The following PTPRQ variants were observed in gnomAD, a reference collection of about 807,000 sequenced individuals.
PTPRQ encodes the protein phosphatidylinositol phosphatase PTPRQ.
PTPRQ carries 199 observed loss-of-function variants against 246.0 expected under a neutral mutation model. The ratio of observed to expected loss-of-function variants is 0.81; its 90% CI spans 0.72 to 0.91. PTPRQ has a LOEUF of 0.91. PTPRQ is among the 40% of genes least tolerant of loss of function. The probability of loss-of-function intolerance (pLI) is 0.00; values close to 1 mark genes in which losing one functional copy is unlikely to be tolerated. For synonymous variants in PTPRQ, 869 were observed against 853.2 expected (o/e 1.02, Z -0.32); for missense variants, 2,624 against 2,528.4 (o/e 1.04, Z -0.81).
intron 25 of PTPRQ, among the ~76,000 whole-genome samples, chr12:80,583,477 G>C (rs1897512343): frequency 6.6e-6 from 1 of 152,056 alleles, no homozygotes; most frequent in Non-Finnish European, 1.5e-5. Context: ...GAGATTTATA[G>C]GAAAGTAAAT....
intron 33 of PTPRQ, among the ~76,000 whole-genome samples, chr12:80,625,575 T>G (rs944996824): frequency 6.6e-6 from 1 of 152,068 alleles, no homozygotes; most frequent in Non-Finnish European, 1.5e-5. Flanking sequence ...AGAATCACCA[T>G]AGACTGATAA....
In PTPRQ at chr12:80,497,858, G is replaced by A. The variant is rs536699919; in HGVS notation, c.2272+1327G>A. Among the ~76,000 whole-genome samples, 43 of 152,018 alleles carry A rather than the reference G, an allele frequency of 2.8e-4. 1 individual carries two copies. The highest frequency in any genetic ancestry group is 5.0e-4 in the Non-Finnish European group (34 of 67,962). On this transcript the variant is annotated intron_variant, in intron 14 of 44. Coordinates refer to ENST00000644991, the MANE Select transcript of PTPRQ (RefSeq NM_001145026.2). ...AAATAATTTTTATAGGTCACAAATG[G>A]CCAAATATCAGCAATTTCATATAGT...
chr12:80,578,244 C>T (rs1355650148), intron 25 of PTPRQ, among the ~76,000 whole-genome samples: 17 of 136,758 alleles, frequency 1.2e-4, no homozygotes, highest in African/African-American at 4.4e-4. Flanking sequence ...CAACAGGCCC[C>T]GGTGTGTGAC....
At chr12:80,480,651 A>T (rs1894011077) in intron 8 of PTPRQ, among the ~76,000 whole-genome samples, 1 of 152,106 alleles carries the variant, frequency 6.6e-6, no homozygotes, top group Admixed American at 6.6e-5. Flanking sequence ...AAAAAAAGAG[A>T]GAAGAATCAA....
intron 26 of PTPRQ, 56 bp downstream of exon 26, chr12:80,588,508 A>G (rs949934012): frequency 1.2e-5 from 17 of 1,399,428 alleles, no homozygotes; most frequent in South Asian, 3.8e-5. Context: ...GTATCTGTCT[A>G]TATATTATGC....
At position 80,444,721 on chromosome 12, in the gene PTPRQ, ATTTG is replaced by A. The variant is rs1322968764; in HGVS notation, c.55-14_55-11del. ...TTCCAGAAAGAATTTTAATGCAACT[ATTTG>A]TTTGTGGTGTTCTAGGTTGATGTTT... On this transcript the variant is annotated splice_polypyrimidine_tract_variant and intron_variant, in intron 1 of 44. Transcript: ENST00000644991. The A allele has an allele frequency of 1.3e-6, 2 of 1,507,232 alleles. No individual in the cohort carries two copies. The highest frequency in any genetic ancestry group is 1.8e-6 in the Non-Finnish European group (2 of 1,110,412). 93.4% of individuals were successfully genotyped at this position (1,507,232 alleles called of 1,614,324 possible). A position where few individuals can be genotyped will look rare whatever the true frequency, so the allele number is the denominator to read the frequency against.
chr12:80,654,693 C>CAAAAAAAAA (rs57224729), intron 38 of PTPRQ, among the ~76,000 whole-genome samples: 1 of 112,106 alleles, frequency 8.9e-6, no homozygotes, highest in Non-Finnish European at 1.7e-5. Flanking sequence ...ACTAAAAATC[C>CAAAAAAAAA]AAAAAAAAAA....
chr12:80,476,869 A>G (rs1893826943), intron 8 of PTPRQ, among the ~76,000 whole-genome samples: 1 of 151,920 alleles, frequency 6.6e-6, no homozygotes, highest in Non-Finnish European at 1.5e-5. Flanking sequence ...ATTTTCTTGA[A>G]CTCTTTGTTC....
chr12:80,460,700 C>T lies in PTPRQ; in HGVS notation c.708C>T (p.Thr236=), dbSNP rs762875679. The T allele has an allele frequency of 4.8e-5, 19 of 399,244 alleles. No homozygotes were observed. Among genetic ancestry groups the T allele is most frequent in the Admixed American group, 8.8e-5 (2 of 22,722 alleles). The allele number at this position is 399,244 out of a possible 1,614,324, so 24.7% of individuals were successfully genotyped here. The change falls in exon 6 of 45, where the codon ACC becomes ACT. Residue 236 remains threonine (T), a synonymous_variant. Transcript: ENST00000644991. ...FLWSTASPSP[T]LGRVTPPSRT... ...GGAGTACAGCCAGCCCTTCTCCAAC[C>T]CTTGGTAGAGTTACACCTCCATCGC...
intron 35 of PTPRQ, among the ~76,000 whole-genome samples, chr12:80,641,627 G>A (rs1311443819): frequency 6.6e-6 from 1 of 152,140 alleles, no homozygotes; most frequent in African/African-American, 2.4e-5. Context: ...TTCCTTCAGA[G>A]GACCTGCTTG....
chr12:80,485,875 A>G (rs947149032), intron 9 of PTPRQ, among the ~76,000 whole-genome samples: 1 of 152,094 alleles, frequency 6.6e-6, no homozygotes, highest in African/African-American at 2.4e-5. Flanking sequence ...GAGGTTCTAG[A>G]AAGGCTTTTT....
intron 33 of PTPRQ, among the ~76,000 whole-genome samples, chr12:80,630,251 T>G (rs1899374646): frequency 6.6e-6 from 1 of 152,156 alleles, no homozygotes; most frequent in African/African-American, 2.4e-5. Flanking sequence ...CCTTCCCCCC[T>G]ATGTCATAGA....
Position 80,521,274 on chromosome 12 carries a change from A to G in PTPRQ, c.2678+10831A>G, listed in dbSNP as rs1592609201. Among the ~76,000 whole-genome samples, 3 of 152,152 alleles carry G rather than the reference A, an allele frequency of 2.0e-5. No individual in the cohort carries two copies. In the South Asian group the frequency reaches 6.2e-4, roughly 32 times the overall value. ...ATTCTGGATATTAGCCCTTTGTCAG[A>G]TGAGTAGATTGCAAAAATTTTCTCC... On this transcript the variant is annotated intron_variant, in intron 17 of 44. Transcript: ENST00000644991.
intron 7 of PTPRQ, among the ~76,000 whole-genome samples, chr12:80,469,829 T>C (rs1162556145): frequency 6.6e-6 from 1 of 152,262 alleles, no homozygotes; most frequent in East Asian, 1.9e-4. Context: ...TTGGCTGAAG[T>C]ACTCTTTCAT....
chr12:80,480,169 C>G (rs1893985909), intron 8 of PTPRQ, among the ~76,000 whole-genome samples: 2 of 152,110 alleles, frequency 1.3e-5, no homozygotes, highest in South Asian at 4.1e-4. Context: ...TTATAACAAA[C>G]TATCTCTGAG....
intron 8 of PTPRQ, among the ~76,000 whole-genome samples, chr12:80,472,830 C>T (rs1893683373): frequency 6.6e-6 from 1 of 152,016 alleles, no homozygotes; most frequent in African/African-American, 2.4e-5. Context: ...AGAATGTTTC[C>T]ATACTATTTC....
chr12:80,506,802 G>A (rs1894975412), intron 16 of PTPRQ, 132 bp downstream of exon 16: 2 of 609,658 alleles, frequency 3.3e-6, no homozygotes, highest in East Asian at 7.5e-5. Flanking sequence ...GTTATACAGA[G>A]ATTTCATTGT....
intron 6 of PTPRQ, 121 bp downstream of exon 6, chr12:80,461,023 C>T (rs1344839041): frequency 2.6e-6 from 1 of 389,906 alleles, no homozygotes. Flanking sequence ...TAATAATATA[C>T]CATAGGCATC....
chr12:80,657,891 T>G, intron 38 of PTPRQ, 94 bp from the exon 39 acceptor site: 1 of 903,360 alleles, frequency 1.1e-6, no homozygotes, highest in South Asian at 2.7e-5. Flanking sequence ...ATTGGAATGT[T>G]ATATTATGAA....
Sources: gnomAD v4.1 joint callset for allele counts (sites outside exome capture counted in the v4.1 genomes callset) on GRCh38, gnomAD v4.1.1 for gene constraint, MANE v1.5 for transcripts, NCBI Gene and HGNC (gene_info 2026-07-23, HGNC 2026-07-21) for gene names.